CRACD: variants seen among roughly 807,000 people sequenced by gnomAD.
CRACD encodes the protein capping protein inhibiting regulator of actin dynamics, also known as capping protein-inhibiting regulator of actin dynamics.
Under a neutral mutation model 106.8 loss-of-function variants are expected in CRACD, and 56 were observed. The ratio of observed to expected loss-of-function variants is 0.52; its 90% CI spans 0.42 to 0.66. CRACD has a LOEUF of 0.66. Ranked by LOEUF, CRACD falls within the 30% of genes least tolerant of loss-of-function variation. CRACD has a pLI of 0.00. For synonymous variants in CRACD, 754 were observed against 670.8 expected, an observed-to-expected ratio of 1.12 and a Z score of -1.92; for missense variants, 1,730 against 1,623.2, an observed-to-expected ratio of 1.07 and a Z score of -1.13.
chr4:56,241,229 A>AT (rs1225031867), intron 2 of CRACD, among the ~76,000 whole-genome samples: 5 of 152,170 alleles, frequency 3.3e-5, no homozygotes, highest in Admixed American at 3.3e-4. Context: ...ACTTGAGTGG[A>AT]TTTCTGTTTA....
chr4:56,059,116 G>A (rs532579281), intron 1 of CRACD, among the ~76,000 whole-genome samples: 1 of 152,120 alleles, frequency 6.6e-6, no homozygotes, highest in Admixed American at 6.6e-5. Context: ...GGCAAAATAA[G>A]TAACTGTGTC....
Position 56,315,538 on chromosome 4 carries a change from CAG to C in CRACD, c.2041_2042del (p.Ser681Ter). On this transcript the variant is annotated frameshift_variant, in exon 8 of 11. Coordinates refer to ENST00000682029, the MANE Select transcript of CRACD (RefSeq NM_001393381.1). LOFTEE classifies it high-confidence loss of function. This position sits in a 1 kb window ranked among gnomAD's most constrained non-coding sequence, Gnocchi z 4.1. ...ATTCGGTCCAGAATCCTGAAGAACG[CAG>C]AGAGTGACCCGCGCAGCAGCGAGAG... 6.2e-7 allele frequency: 1 copy of C among 1,614,056 alleles called. No homozygotes were observed. The highest frequency in any genetic ancestry group is 8.5e-7 in the Non-Finnish European group (1 of 1,180,028).
intron 2 of CRACD, among the ~76,000 whole-genome samples, chr4:56,214,652 A>ACTCTCT (rs572003455): frequency 0.03 from 3,071 of 101,850 alleles, 260 homozygotes; most frequent in Non-Finnish European, 0.044. Context: ...AGAGCTAGAC[A>ACTCTCT]CTCTCTCTCT....
chr4:56,148,875 G>A (rs1244857763), intron 1 of CRACD, among the ~76,000 whole-genome samples: 1 of 151,798 alleles, frequency 6.6e-6, no homozygotes, highest in African/African-American at 2.4e-5. Flanking sequence ...GAGTGCAGTG[G>A]CGTGATCTCG....
chr4:56,141,682 ATTTTTTTTTTT>A (rs1171920777), intron 1 of CRACD, among the ~76,000 whole-genome samples: 7 of 82,654 alleles, frequency 8.5e-5, no homozygotes, highest in Admixed American at 3.2e-4. Flanking sequence ...AGGAAGTACT[ATTTTTTTTTTT>A]TTTTTTTTTT....
intron 8 of CRACD, chr4:56,320,657 T>TTA (rs1325616840): frequency 6.6e-6 from 1 of 152,264 alleles, no homozygotes; most frequent in Non-Finnish European, 1.5e-5. Context: ...CCTACAGTGG[T>TTA]TATGATGGCA....
chr4:56,210,347 C>T (rs1375917623), intron 2 of CRACD, among the ~76,000 whole-genome samples: 1 of 152,152 alleles, frequency 6.6e-6, no homozygotes, highest in East Asian at 1.9e-4. Flanking sequence ...TAAAAACTAG[C>T]TATATTTACC....
At chr4:56,249,509 C>A (rs969434125) in intron 2 of CRACD, among the ~76,000 whole-genome samples, 10 of 151,626 alleles carry the variant, frequency 6.6e-5, no homozygotes, top group Non-Finnish European at 1.2e-4. Flanking sequence ...CGAAAATTTT[C>A]TCCCATTTTG....
chr4:56,213,360 C>T (rs184166868), intron 2 of CRACD, among the ~76,000 whole-genome samples: 53 of 152,264 alleles, frequency 3.5e-4, no homozygotes, highest in African/African-American at 1.0e-3. Context: ...GCAGGAGAAT[C>T]GCTTGAACCC....
chr4:56,055,083 G>A (rs1184572454), intron 1 of CRACD, among the ~76,000 whole-genome samples: 1 of 152,142 alleles, frequency 6.6e-6, no homozygotes, highest in Non-Finnish European at 1.5e-5. Flanking sequence ...TGTTAGAATA[G>A]AGTTTAAGAG....
intron 8 of CRACD, 97 bp from the exon 9 acceptor site, chr4:56,323,280 A>G: frequency 1.9e-6 from 2 of 1,064,262 alleles, no homozygotes; most frequent in Non-Finnish European, 2.8e-6. Flanking sequence ...AATATGCCAT[A>G]GGGTTATTAA....
At chr4:56,169,315 T>C (rs1736268875) in intron 1 of CRACD, among the ~76,000 whole-genome samples, 1 of 152,210 alleles carries the variant, frequency 6.6e-6, no homozygotes, top group Admixed American at 6.5e-5. Context: ...GCATCATATC[T>C]AAAGTATAAA....
In CRACD at chr4:56,298,349, G is replaced by T; in HGVS notation, c.120G>T (p.Gln40His). The change falls in exon 4 of 11, where the codon CAG (glutamine) becomes CAT (histidine). Residue 40 changes from glutamine (Q) to histidine (H), a missense_variant and splice_region_variant. Gln to His is a conservative substitution (Grantham distance 24, BLOSUM62 0). Transcript: ENST00000682029. ...DNILGKVKTL[Q>H]QQLGKNIKFG... Reference sequence around the variant, plus strand: ...TCCTGGGCAAAGTCAAAACTCTTCAGGTAAGACAGCTTGAGAGTGGAATTA... The same window carrying T: ...TCCTGGGCAAAGTCAAAACTCTTCATGTAAGACAGCTTGAGAGTGGAATTA... The T allele has an allele frequency of 6.2e-7, 1 of 1,613,874 alleles. No individual in the cohort carries two copies. The highest frequency in any genetic ancestry group is 8.5e-7 in the Non-Finnish European group (1 of 1,179,948).
At chr4:56,181,523 T>C (rs1330902877) in intron 2 of CRACD, among the ~76,000 whole-genome samples, 1 of 152,204 alleles carries the variant, frequency 6.6e-6, no homozygotes, top group African/African-American at 2.4e-5. Flanking sequence ...TCTAGCACCA[T>C]ATTAATTTGC....
At chr4:56,208,675 C>T (rs142760234) in intron 2 of CRACD, among the ~76,000 whole-genome samples, 46 of 152,208 alleles carry the variant, frequency 3.0e-4, no homozygotes, top group African/African-American at 8.2e-4. Context: ...ATATCAATCC[C>T]GTTAACTCTC....
At chr4:56,088,275 G>C (rs1227528472) in intron 1 of CRACD, among the ~76,000 whole-genome samples, 1 of 151,982 alleles carries the variant, frequency 6.6e-6, no homozygotes, top group African/African-American at 2.4e-5. Flanking sequence ...ATACCTGATA[G>C]GTAGTTTTTT....
At chr4:56,099,985 G>A (rs981124028) in intron 1 of CRACD, among the ~76,000 whole-genome samples, 7 of 152,220 alleles carry the variant, frequency 4.6e-5, no homozygotes, top group Non-Finnish European at 8.8e-5. Flanking sequence ...GCTCATGCCT[G>A]TAATCCCAGC....
At chr4:56,262,188 T>G (rs1741747263) in intron 2 of CRACD, among the ~76,000 whole-genome samples, 1 of 152,158 alleles carries the variant, frequency 6.6e-6, no homozygotes, top group Non-Finnish European at 1.5e-5. Flanking sequence ...GGTTGCAGCT[T>G]GTGCAATATT....
At chr4:56,106,791 A>G (rs950459157) in intron 1 of CRACD, among the ~76,000 whole-genome samples, 22 of 152,178 alleles carry the variant, frequency 1.4e-4, no homozygotes, top group Admixed American at 1.4e-3. Context: ...GATAATTGTC[A>G]TGGTGGAAAA....
Sources: allele counts gnomAD v4.1 joint callset (sites outside exome capture counted in the v4.1 genomes callset), GRCh38; gene constraint gnomAD v4.1.1; non-coding constraint Gnocchi (gnomAD v3.1); transcripts MANE v1.5; gene names NCBI Gene and HGNC (gene_info 2026-07-23, HGNC 2026-07-21).